Variants in CFAP20DC observed in about 807,000 individuals in gnomAD.
CFAP20DC encodes CFAP20 domain containing.
CFAP20DC carries 84 observed loss-of-function variants against 101.7 expected under a neutral mutation model. The observed-to-expected ratio is 0.83, with a 90% CI of 0.69 to 0.99. CFAP20DC has a LOEUF of 0.99. Ranked by LOEUF, CFAP20DC falls within the 50% of genes least tolerant of loss-of-function variation. The pLI is 0.00. For missense variants in CFAP20DC, 1,007 were observed against 970.3 expected (o/e 1.04, Z -0.50); for synonymous variants, 359 against 351.2 (o/e 1.02, Z -0.25).
chr3:58,823,368 T>G (rs571766385), intron 14 of CFAP20DC, among the ~76,000 whole-genome samples: 8 of 152,160 alleles, frequency 5.3e-5, no homozygotes, highest in Non-Finnish European at 1.2e-4. Flanking sequence ...GATTTTGGCA[T>G]TCAGTCATAC....
chr3:58,777,183 G>C (rs1472091894), intron 15 of CFAP20DC, among the ~76,000 whole-genome samples: 1 of 152,194 alleles, frequency 6.6e-6, no homozygotes, highest in Non-Finnish European at 1.5e-5. Flanking sequence ...TCTTTGGAAA[G>C]TTTAATCAGA....
chr3:58,756,906 T>C (rs1378216850), intron 15 of CFAP20DC, among the ~76,000 whole-genome samples: 2 of 152,146 alleles, frequency 1.3e-5, no homozygotes, highest in East Asian at 3.8e-4. Flanking sequence ...CATCCTTTTT[T>C]TACAGCAGCA....
intron 4 of CFAP20DC, among the ~76,000 whole-genome samples, chr3:58,941,904 C>T (rs78181142): frequency 0.018 from 2,727 of 152,278 alleles, 70 homozygotes; most frequent in African/African-American, 0.061. Context: ...GCCTTCAGCA[C>T]ATCTTAAATA....
Position 58,760,043 on chromosome 3 carries a change from T to C in CFAP20DC, c.2238-6180A>G, listed in dbSNP as rs148122169. ...GCTCCTTTTTGGTTTCATATGAACT[T>C]TAAAGTAGTTCTTTCCAATTCTGTG... is the stretch of plus-strand genomic sequence containing the variant. On this transcript the variant is annotated intron_variant, in intron 15 of 16. Coordinates refer to ENST00000482387, the MANE Select transcript of CFAP20DC (RefSeq NM_001394063.1). Among the ~76,000 whole-genome samples the C allele has an allele frequency of 8.4e-3, 1,285 of 152,344 alleles. 14 individuals carry two copies. The highest frequency in any genetic ancestry group is 0.015 in the Non-Finnish European group (1,024 of 68,034).
In CFAP20DC at chr3:58,934,318, C is replaced by T. The variant is rs189841510; in HGVS notation, c.393+3330G>A. 6.9e-4 allele frequency among the ~76,000 whole-genome samples: 105 copies of T among 152,230 alleles called. 2 individuals carry two copies. In the East Asian group the frequency reaches 0.017, roughly 24 times the overall value. On this transcript the variant is annotated intron_variant, in intron 5 of 16. Coordinates refer to ENST00000482387, the MANE Select transcript of CFAP20DC (RefSeq NM_001394063.1). ...GAAAAAGAGTCCAGGACCAGATGGA[C>T]TCACAGCCGAATTCTACCAGAGGTA...
At chr3:58,993,832 A>G (rs1399292363) in intron 4 of CFAP20DC, among the ~76,000 whole-genome samples, 6 of 152,186 alleles carry the variant, frequency 3.9e-5, no homozygotes, top group Admixed American at 6.5e-5. Context: ...CAGTCTATCA[A>G]TGATGGGCAT....
At chr3:59,033,104 G>A (rs2094028532) in intron 4 of CFAP20DC, among the ~76,000 whole-genome samples, 1 of 152,116 alleles carries the variant, frequency 6.6e-6, no homozygotes, top group African/African-American at 2.4e-5. Flanking sequence ...TGCAGCAGAG[G>A]GGCCTGACTG....
At position 58,799,090 on chromosome 3, in the gene CFAP20DC, G is replaced by C. The variant is rs1242278338; in HGVS notation, c.2237+7305C>G. On this transcript the variant is annotated intron_variant, in intron 15 of 16. Transcript: ENST00000482387. The surrounding 1 kb of genome is among the most constrained non-coding windows in gnomAD (Gnocchi z 4.9). ...ATATATAATGTGTATATATGTATGTGTATGCATATAAATAATGGTTTTTTT... is the reference window on the plus strand; with the variant it reads ...ATATATAATGTGTATATATGTATGTCTATGCATATAAATAATGGTTTTTTT... 6.6e-6 allele frequency among the ~76,000 whole-genome samples: 1 copy of C among 151,948 alleles called. No homozygotes were observed. The highest frequency in any genetic ancestry group is 1.5e-5 in the Non-Finnish European group (1 of 67,992).
downstream of CFAP20DC, among the ~76,000 whole-genome samples, chr3:58,739,872 A>G (rs2067842597): frequency 1.3e-5 from 2 of 152,248 alleles, no homozygotes; most frequent in African/African-American, 4.8e-5. Context: ...ACTCTTCTGT[A>G]GAAATCTCAA....
At chr3:58,917,635 A>T (rs750057546) in intron 5 of CFAP20DC, among the ~76,000 whole-genome samples, 2 of 152,140 alleles carry the variant, frequency 1.3e-5, no homozygotes, top group African/African-American at 4.8e-5. Context: ...TTTAAAAATA[A>T]TTTTTCACTT....
rs1043760626 is a variant in CFAP20DC, at chr3:58,760,755, A to AT, written c.2238-6893dup. Among the ~76,000 whole-genome samples the AT allele has an allele frequency of 9.2e-5, 14 of 152,270 alleles. No homozygotes were observed. The East Asian group carries it at 2.7e-3, about 29-fold the overall frequency. On this transcript the variant is annotated intron_variant, in intron 15 of 16. Coordinates refer to ENST00000482387, the MANE Select transcript of CFAP20DC (RefSeq NM_001394063.1). ...AGTTTTTAGCATGAAGGGTTGTTGA[A>AT]TTTTGTCAAAGGACTTTTCTGCATC...
intron 4 of CFAP20DC, among the ~76,000 whole-genome samples, chr3:59,005,509 A>G (rs796078716): frequency 4.6e-5 from 7 of 152,312 alleles, no homozygotes; most frequent in African/African-American, 1.4e-4. Flanking sequence ...AGACTATAAT[A>G]TACTTAAAGT....
intron 4 of CFAP20DC, among the ~76,000 whole-genome samples, chr3:59,036,126 C>T (rs1289231168): frequency 2.0e-5 from 3 of 152,170 alleles, no homozygotes; most frequent in African/African-American, 7.2e-5. Flanking sequence ...TCTCCATAAA[C>T]TAGGTATTGA....
intron 15 of CFAP20DC, among the ~76,000 whole-genome samples, chr3:58,783,969 G>A (rs1039330813): frequency 2.0e-5 from 3 of 152,114 alleles, no homozygotes; most frequent in South Asian, 4.2e-4. Context: ...ACTGAGCATG[G>A]TACACAATAG....
At chr3:58,906,913 A>C (rs542249727) in intron 6 of CFAP20DC, among the ~76,000 whole-genome samples, 1 of 152,292 alleles carries the variant, frequency 6.6e-6, no homozygotes, top group African/African-American at 2.4e-5. Flanking sequence ...TGGGCAACGG[A>C]GTGAGATCCT....
chr3:58,765,283 C>T (rs1288102522), intron 15 of CFAP20DC, among the ~76,000 whole-genome samples: 1 of 151,162 alleles, frequency 6.6e-6, no homozygotes, highest in African/African-American at 2.4e-5. Flanking sequence ...TATACATCTA[C>T]ACACACACAC....
intron 4 of CFAP20DC, among the ~76,000 whole-genome samples, chr3:59,027,507 A>G (rs945831691): frequency 1.4e-4 from 21 of 152,218 alleles, no homozygotes; most frequent in African/African-American, 4.6e-4. Context: ...CATGAAAATG[A>G]GAAAAATAAC....
Position 58,831,363 on chromosome 3 carries a change from G to C in CFAP20DC, c.2175+323C>G, listed in dbSNP as rs1001716135. ...TTATTTAACAAATATTGAGCCTCTTGTATGTGCCACAGGGCTTGTACTAGG... is the reference window on the plus strand; with the variant it reads ...TTATTTAACAAATATTGAGCCTCTTCTATGTGCCACAGGGCTTGTACTAGG... On this transcript the variant is annotated intron_variant, in intron 14 of 16. Coordinates refer to ENST00000482387, the MANE Select transcript of CFAP20DC (RefSeq NM_001394063.1). Among the ~76,000 whole-genome samples the C allele has an allele frequency of 2.0e-5, 3 of 152,296 alleles. No individual in the cohort carries two copies. The East Asian group carries it at 5.8e-4, about 29-fold the overall frequency.
At chr3:58,990,842 T>TAC (rs2092914473) in intron 4 of CFAP20DC, among the ~76,000 whole-genome samples, 1 of 151,632 alleles carries the variant, frequency 6.6e-6, no homozygotes. Flanking sequence ...ACATCTTTGG[T>TAC]ACCAAGCATT....
Sources: gnomAD v4.1 joint callset for allele counts (sites outside exome capture counted in the v4.1 genomes callset) on GRCh38, gnomAD v4.1.1 for gene constraint, Gnocchi (gnomAD v3.1) non-coding constraint, MANE v1.5 for transcripts, NCBI Gene and HGNC (gene_info 2026-07-23, HGNC 2026-07-21) for gene names.